CCDC77: variants seen among roughly 807,000 people sequenced by gnomAD.
CCDC77 encodes the protein coiled-coil domain containing 77, also known as coiled-coil domain-containing protein 77.
In CCDC77, 56 loss-of-function variants were observed where a neutral mutation model predicts 66.8. The ratio of observed to expected loss-of-function variants is 0.84; its 90% confidence interval spans 0.68 to 1.05. The LOEUF (loss-of-function observed/expected upper bound fraction) is 1.05. CCDC77 is among the 50% of genes least tolerant of loss of function. The probability of loss-of-function intolerance (pLI) is 0.00; values close to 1 mark genes in which losing one functional copy is unlikely to be tolerated. For synonymous variants in CCDC77, 196 were observed against 195.2 expected, an observed-to-expected ratio of 1.00 and a Z score of -0.03; for missense variants, 570 against 576.8, an observed-to-expected ratio of 0.99 and a Z score of 0.12.
chr12:423,484 T>G (rs1945465040), intron 5 of CCDC77, among the ~76,000 whole-genome samples: 21 of 33,732 alleles, frequency 6.2e-4, no homozygotes, highest in South Asian at 1.1e-3. Context: ...TTTGTGTTTT[T>G]TTTTGTTTTG....
intron 7 of CCDC77, among the ~76,000 whole-genome samples, 172 bp downstream of exon 7, chr12:430,908 A>C (rs978372441): frequency 6.6e-6 from 1 of 151,962 alleles, no homozygotes; most frequent in African/African-American, 2.4e-5. Flanking sequence ...GCAAAACCCC[A>C]TCTCTACATA....
chr12:411,463 A>C (rs1032614378), intron 3 of CCDC77, among the ~76,000 whole-genome samples: 3 of 151,204 alleles, frequency 2.0e-5, no homozygotes, highest in African/African-American at 7.3e-5. Context: ...TACAGGTGTG[A>C]GCCACCACGC....
rs372080786 is a variant in CCDC77 at position 410,711 on chromosome 12, A to G, written c.39-1036A>G. 8.6e-4 allele frequency among the ~76,000 whole-genome samples: 115 copies of G among 134,476 alleles called. No homozygotes were observed. The Middle Eastern group carries it at 0.017, about 19-fold the overall frequency. 88.2% of individuals were successfully genotyped at this position (134,476 alleles called of 152,430 possible). A position where few individuals can be genotyped will look rare whatever the true frequency, so the allele number is the denominator to read the frequency against. On this transcript the variant is annotated intron_variant, in intron 3 of 12. Coordinates refer to ENST00000239830, the MANE Select transcript of CCDC77 (RefSeq NM_032358.4). ...CACACGCGTGCCACCAGGCCCGGCT[A>G]ATTTTTGTATTTTTGGTAGAGACTA...
chr12:427,523 A>C (rs181467471), intron 5 of CCDC77, among the ~76,000 whole-genome samples: 32 of 145,982 alleles, frequency 2.2e-4, no homozygotes, highest in Admixed American at 2.0e-3. Flanking sequence ...CGCCCAGGCC[A>C]GAGTGCGGTG....
chr12:431,186 T>A (rs1023109884), intron 7 of CCDC77, among the ~76,000 whole-genome samples: 1 of 150,198 alleles, frequency 6.7e-6, no homozygotes, highest in African/African-American at 2.4e-5. Context: ...TCTTGAATCA[T>A]CCAAGGAATT....
At chr12:434,035 CTA>C (rs1465555038) in intron 9 of CCDC77, among the ~76,000 whole-genome samples, 1 of 152,058 alleles carries the variant, frequency 6.6e-6, no homozygotes, top group East Asian at 1.9e-4. Flanking sequence ...GATGTTGTGT[CTA>C]CACACACGCA....
intron 4 of CCDC77, among the ~76,000 whole-genome samples, chr12:414,578 C>A (rs552977221): frequency 6.6e-6 from 1 of 152,248 alleles, no homozygotes; most frequent in Non-Finnish European, 1.5e-5. Flanking sequence ...AAATAACTAA[C>A]CCTGACTCAC....
chr12:415,427 A>AATAATATGTTAATATTAACATAATT (rs1555144385), intron 4 of CCDC77, among the ~76,000 whole-genome samples: 1 of 128,524 alleles, frequency 7.8e-6, no homozygotes, highest in African/African-American at 3.1e-5. Flanking sequence ...TTATTAACAT[A>AATAATATGTTAATATTAACATAATT]ATTAACATAA....
intron 1 of CCDC77, among the ~76,000 whole-genome samples, chr12:404,093 G>A (rs1469708041): frequency 6.6e-6 from 1 of 152,182 alleles, no homozygotes; most frequent in Non-Finnish European, 1.5e-5. Flanking sequence ...GAGGTGGGTG[G>A]ATCATCTGAG....
At chr12:392,633 T>C (rs1219724560) in intron 1 of CCDC77, among the ~76,000 whole-genome samples, 2 of 152,032 alleles carry the variant, frequency 1.3e-5, no homozygotes, top group African/African-American at 2.4e-5. Context: ...TAATCCCAGC[T>C]ACTTAGGAGG....
Position 409,332 on chromosome 12 carries a change from G to T in CCDC77, c.-16-36G>T. ...CTGTACTGTTTTTATTTTTCTATTCGTGGCCCGTAATTATGAATTTTTGTG... is the reference window on the plus strand; with the variant it reads ...CTGTACTGTTTTTATTTTTCTATTCTTGGCCCGTAATTATGAATTTTTGTG... On this transcript the variant is annotated intron_variant, in intron 2 of 12. Transcript: ENST00000239830. 1.3e-6 allele frequency: 2 copies of T among 1,489,964 alleles called. No homozygotes were observed. The highest frequency in any genetic ancestry group is 1.9e-6 in the Non-Finnish European group (2 of 1,069,296). 92.3% of individuals were successfully genotyped at this position (1,489,964 alleles called of 1,614,324 possible).
rs968383099 is a variant in CCDC77, at chr12:411,947, T to C, written c.239T>C (p.Leu80Pro). ...GAAAATGAGGACTTGCTGAAGAAAC[T>C]GGAACTCTACAAAGAAGCTTGTGAA... is the stretch of plus-strand genomic sequence containing the variant. ...EAENEDLLKK[L>P]ELYKEACEGQ... is the part of the protein sequence containing the mutation. Residue 80 changes from leucine (L) to proline (P), a missense_variant, in exon 4 of 13, where the codon CTG (leucine) becomes CCG (proline). Physicochemically the swap from Leu to Pro is moderately conservative, Grantham distance 98. Transcript: ENST00000239830. The C allele has an allele frequency of 1.2e-6, 2 of 1,613,780 alleles. No homozygotes were observed. The highest frequency in any genetic ancestry group is 1.7e-6 in the Non-Finnish European group (2 of 1,179,918).
chr12:400,902 G>T (rs990086258), upstream of CCDC77, among the ~76,000 whole-genome samples: 1 of 152,134 alleles, frequency 6.6e-6, no homozygotes, highest in Non-Finnish European at 1.5e-5. Context: ...CCTGGGAAGC[G>T]CAATAAAGGA....
intron 2 of CCDC77, among the ~76,000 whole-genome samples, chr12:407,466 C>T (rs1290226270): frequency 4.6e-5 from 7 of 151,998 alleles, no homozygotes; most frequent in Non-Finnish European, 7.4e-5. Context: ...CATGGAGAGA[C>T]GGGGTAGGCA....
chr12:439,600 G>A (rs1280233754), intron 10 of CCDC77, among the ~76,000 whole-genome samples: 2 of 150,936 alleles, frequency 1.3e-5, no homozygotes, highest in South Asian at 2.1e-4. Context: ...CCAGCACAGC[G>A]GAACCCTGTC....
In CCDC77 at chr12:428,510, C is replaced by CAAAAAAAAAAA. The variant is rs59414510; in HGVS notation, c.414-243_414-233dup. Among the ~76,000 whole-genome samples, 76 of 57,886 alleles carry CAAAAAAAAAAA rather than the reference C, an allele frequency of 1.3e-3. 2 individuals carry two copies. Among genetic ancestry groups the CAAAAAAAAAAA allele is most frequent in the African/African-American group, 4.9e-3 (67 of 13,740 alleles). The allele number at this position is 57,886 out of a possible 152,430, so 38.0% of individuals were successfully genotyped here. On this transcript the variant is annotated intron_variant, in intron 5 of 12. Transcript: ENST00000239830. ...TGGACAACAGAGCGAGACTCTGTCT[C>CAAAAAAAAAAA]AAAAAAAAAAAAAAAAAAAAAAAAA...
At chr12:436,962 C>T (rs577618207) in intron 9 of CCDC77, 7 of 155,404 alleles carry the variant, frequency 4.5e-5, no homozygotes, top group African/African-American at 1.7e-4. Flanking sequence ...GAATCAATCT[C>T]TCTCTACATA....
At position 442,134 on chromosome 12, in the gene CCDC77, G is replaced by A. The variant is rs905839674; in HGVS notation, c.*214G>A. ...TTTTTGCTGTCCTTTTAACACTTGC[G>A]AGGAGTAGGGGCCTGGTCCTGAATG... On this transcript the variant is annotated 3_prime_UTR_variant, in exon 13 of 13. Transcript: ENST00000239830. 1.1e-5 allele frequency: 6 copies of A among 527,488 alleles called. No homozygotes were observed. Among genetic ancestry groups the A allele is most frequent in the Admixed American group, 3.2e-5 (1 of 30,962 alleles). 32.7% of individuals were successfully genotyped at this position (527,488 alleles called of 1,614,324 possible).
intron 1 of CCDC77, chr12:389,639 C>G (rs964637112): frequency 2.0e-5 from 4 of 201,602 alleles, no homozygotes; most frequent in Non-Finnish European, 4.2e-5. Flanking sequence ...TGTAATGCCC[C>G]AGAGGGCAGA....
Sources: gnomAD v4.1 joint callset for allele counts (sites outside exome capture counted in the v4.1 genomes callset) on GRCh38, gnomAD v4.1.1 for gene constraint, MANE v1.5 for transcripts, NCBI Gene and HGNC (gene_info 2026-07-23, HGNC 2026-07-21) for gene names.